PDZD2: variants seen among roughly 807,000 people sequenced by gnomAD.
PDZD2 encodes the protein PDZ domain containing 2.
Under a neutral mutation model 220.7 loss-of-function variants are expected in PDZD2, and 90 were observed. The ratio of observed to expected loss-of-function variants is 0.41; its 90% CI spans 0.34 to 0.49. The LOEUF (loss-of-function observed/expected upper bound fraction) is 0.49, where lower values mean the gene tolerates loss of function less well. PDZD2 is among the 20% of genes least tolerant of loss of function. The pLI is 0.28. For missense variants in PDZD2, 3,174 were observed against 3,608.5 expected (o/e 0.88, Z 3.08); for synonymous variants, 1,375 against 1,450.5 (o/e 0.95, Z 1.18).
chr5:32,038,182 TAAA>T (rs547581515), intron 7 of PDZD2, among the ~76,000 whole-genome samples: 22 of 109,034 alleles, frequency 2.0e-4, no homozygotes, highest in East Asian at 2.6e-4. Flanking sequence ...TTTCCTCCAT[TAAA>T]AAAAAAAAAA....
chr5:31,815,483 T>G (rs115883163), intron 2 of PDZD2, among the ~76,000 whole-genome samples: 9 of 152,334 alleles, frequency 5.9e-5, no homozygotes, highest in Middle Eastern at 3.4e-3. Flanking sequence ...GCCTGCTGTC[T>G]GTCATGTGAT....
At chr5:31,965,905 A>C (rs1386091324) in intron 2 of PDZD2, among the ~76,000 whole-genome samples, 2 of 152,118 alleles carry the variant, frequency 1.3e-5, no homozygotes, top group African/African-American at 4.8e-5. Context: ...TCCAAAAAAA[A>C]ACACCAACCA....
At chr5:32,008,297 T>G (rs1048548711) in intron 5 of PDZD2, among the ~76,000 whole-genome samples, 10 of 150,204 alleles carry the variant, frequency 6.7e-5, no homozygotes, top group Non-Finnish European at 1.3e-4. Context: ...TTTTTTTTTT[T>G]TTTCTTTTTT....
At chr5:31,949,455 A>G (rs1746975698) in intron 2 of PDZD2, among the ~76,000 whole-genome samples, 1 of 152,092 alleles carries the variant, frequency 6.6e-6, no homozygotes, top group South Asian at 2.1e-4. Flanking sequence ...GATACCAAAT[A>G]TCTTCTGCCC....
chr5:31,849,586 GTAATC>G (rs1168554598), intron 2 of PDZD2, among the ~76,000 whole-genome samples: 1 of 152,086 alleles, frequency 6.6e-6, no homozygotes, highest in African/African-American at 2.4e-5. Flanking sequence ...GCTCACGCCT[GTAATC>G]CTAGCACTTT....
chr5:31,988,279 T>C (rs1750870163), intron 3 of PDZD2, among the ~76,000 whole-genome samples: 1 of 152,236 alleles, frequency 6.6e-6, no homozygotes, highest in Non-Finnish European at 1.5e-5. Flanking sequence ...CTTTATTATC[T>C]GATTCCTGGT....
At chr5:31,849,334 C>T (rs1299878452) in intron 2 of PDZD2, among the ~76,000 whole-genome samples, 3 of 152,038 alleles carry the variant, frequency 2.0e-5, no homozygotes, top group African/African-American at 7.2e-5. Flanking sequence ...ACTCAGTTTC[C>T]TTGTGTTAGA....
chr5:31,867,222 A>T (rs906790984), intron 2 of PDZD2, among the ~76,000 whole-genome samples: 2 of 149,640 alleles, frequency 1.3e-5, no homozygotes, highest in Non-Finnish European at 2.9e-5. Flanking sequence ...TTGAGCTCAT[A>T]AAAAAACCTA....
Position 32,059,351 on chromosome 5 carries a change from C to T in PDZD2, c.2313C>T (p.Asn771=), listed in dbSNP as rs752257825. 2.6e-5 allele frequency: 40 copies of T among 1,555,334 alleles called. No individual in the cohort carries two copies. The highest frequency in any genetic ancestry group is 5.0e-5 in the Admixed American group (3 of 59,920). Residue 771 remains asparagine (N), a synonymous_variant, in exon 13 of 25, where the codon AAC becomes AAT. Coordinates refer to ENST00000438447, the MANE Select transcript of PDZD2 (RefSeq NM_178140.4). ...GATCAGTGGCCAAGATGGAGAGCAACCTGAGGTTTGTTGTTTGCCTGATAG... is the reference window on the plus strand; with the variant it reads ...GATCAGTGGCCAAGATGGAGAGCAATCTGAGGTTTGTTGTTTGCCTGATAG... ...APGSVAKMES[N]LSRGDQILEV... is the part of the protein sequence containing the mutation.
At chr5:31,856,867 C>T (rs1483480281) in intron 2 of PDZD2, among the ~76,000 whole-genome samples, 8 of 150,914 alleles carry the variant, frequency 5.3e-5, no homozygotes, top group Admixed American at 3.3e-4. Context: ...ATTTTCATTC[C>T]GGAATCAGAC....
In PDZD2 at chr5:31,710,264, A is replaced by G. The variant is rs73074215; in HGVS notation, c.-361+70827A>G. 3.0e-3 allele frequency among the ~76,000 whole-genome samples: 456 copies of G among 152,326 alleles called. 4 individuals are homozygous for G. Among genetic ancestry groups the G allele is most frequent in the African/African-American group, 0.011 (446 of 41,570 alleles). On this transcript the variant is annotated intron_variant, in intron 1 of 24. Transcript: ENST00000438447. ...TCTGTGATCCCAGTAGCACTCTGAGACTGTCACATGGGTGACAGTTTTGCG... is the reference window on the plus strand; with the variant it reads ...TCTGTGATCCCAGTAGCACTCTGAGGCTGTCACATGGGTGACAGTTTTGCG...
intron 1 of PDZD2, among the ~76,000 whole-genome samples, chr5:31,773,367 G>A (rs1003404691): frequency 2.0e-5 from 3 of 152,056 alleles, no homozygotes; most frequent in Admixed American, 6.6e-5. Flanking sequence ...AGGCAGACGC[G>A]GTGGCTCATG....
intron 2 of PDZD2, among the ~76,000 whole-genome samples, chr5:31,908,042 C>T (rs1251577026): frequency 7.3e-6 from 1 of 137,552 alleles, no homozygotes; most frequent in African/African-American, 2.9e-5. Flanking sequence ...GAGATCCTGC[C>T]ATTGCACTCT....
chr5:32,037,420 C>T (rs1444594756), intron 7 of PDZD2, 78 bp downstream of exon 7: 15 of 803,636 alleles, frequency 1.9e-5, no homozygotes, highest in African/African-American at 5.1e-5. Context: ...AAGCCATTGC[C>T]GGGATGAGCT....
intron 1 of PDZD2, among the ~76,000 whole-genome samples, chr5:31,782,522 A>G (rs371805347): frequency 5.3e-5 from 8 of 152,014 alleles, no homozygotes; most frequent in Admixed American, 3.9e-4. Flanking sequence ...TAATTGATCA[A>G]TAGTTTCCAG....
At chr5:32,020,001 T>G (rs1299076184) in intron 6 of PDZD2, among the ~76,000 whole-genome samples, 1 of 151,990 alleles carries the variant, frequency 6.6e-6, no homozygotes, top group Non-Finnish European at 1.5e-5. Flanking sequence ...GGTTTATGTC[T>G]GTGGTCCACA....
chr5:31,723,316 A>AT (rs58318416), intron 1 of PDZD2, among the ~76,000 whole-genome samples: 86,890 of 151,498 alleles, frequency 0.57, 25,277 homozygotes, highest in East Asian at 0.78. Flanking sequence ...GCAATCTGAG[A>AT]TTTTTTAAGA....
At position 32,097,458 on chromosome 5, in the gene PDZD2, A is replaced by T. The variant is rs564535656; in HGVS notation, c.7947+78A>T. 1.4e-4 allele frequency: 121 copies of T among 855,618 alleles called. No individual in the cohort carries two copies. The African/African-American group carries it at 1.6e-3, about 12-fold the overall frequency. The allele number at this position is 855,618 out of a possible 1,614,324, so 53.0% of individuals were successfully genotyped here. A position where few individuals can be genotyped will look rare whatever the true frequency, so the allele number is the denominator to read the frequency against. ...AGAATGTGATCAGGGCACAAATTCC[A>T]ATCAGCGGGTTCAGAGATTGCTGGA... On this transcript the variant is annotated intron_variant, in intron 22 of 24. Coordinates refer to ENST00000438447, the MANE Select transcript of PDZD2 (RefSeq NM_178140.4).
At chr5:31,772,510 C>T (rs1460932688) in intron 1 of PDZD2, among the ~76,000 whole-genome samples, 1 of 152,158 alleles carries the variant, frequency 6.6e-6, no homozygotes, top group Non-Finnish European at 1.5e-5. Context: ...AGTAAAATTG[C>T]CTTCCTGAGA....
Sources: allele counts gnomAD v4.1 joint callset (sites outside exome capture counted in the v4.1 genomes callset), GRCh38; gene constraint gnomAD v4.1.1; transcripts MANE v1.5; gene names NCBI Gene and HGNC (gene_info 2026-07-23, HGNC 2026-07-21).